Variants in EXOC4 observed in about 807,000 individuals in gnomAD.
EXOC4 encodes SEC8-like 1.
In EXOC4, 71 loss-of-function variants were observed where a neutral mutation model predicts 107.2. That is an observed-to-expected ratio of 0.66 (90% CI 0.55 to 0.81). EXOC4 has a LOEUF of 0.81. Among genes scored for constraint, EXOC4 ranks in the 30% least tolerant of loss-of-function variants. The pLI, the probability that EXOC4 is intolerant of heterozygous loss-of-function variation, is 0.00. For synonymous variants in EXOC4, 456 were observed against 441.2 expected (o/e 1.03, Z -0.42); for missense variants, 1,108 against 1,189.6 (o/e 0.93, Z 1.01).
At chr7:133,407,498 G>A (rs924835282) in intron 7 of EXOC4, among the ~76,000 whole-genome samples, 4 of 152,048 alleles carry the variant, frequency 2.6e-5, no homozygotes, top group Admixed American at 6.5e-5. Context: ...TCAAGTCTAC[G>A]ATTGGGTATA....
At chr7:133,643,007 T>C (rs558251962) in intron 10 of EXOC4, among the ~76,000 whole-genome samples, 87 of 152,338 alleles carry the variant, frequency 5.7e-4, no homozygotes, top group African/African-American at 2.0e-3. Flanking sequence ...CCTTACATAA[T>C]GTAAGTGGAT....
chr7:133,556,228 C>T (rs10268897), intron 9 of EXOC4, among the ~76,000 whole-genome samples: 151,730 of 152,302 alleles, frequency 1, 75,586 homozygotes, highest in Middle Eastern at 1. Context: ...GGCCAGCAGT[C>T]GCCACTGCAG....
chr7:133,791,018 T>C (rs1265457320), intron 10 of EXOC4, among the ~76,000 whole-genome samples: 1 of 152,218 alleles, frequency 6.6e-6, no homozygotes, highest in African/African-American at 2.4e-5. Context: ...AAAGAAGACA[T>C]TTATGTAGAT....
chr7:133,397,450 C>A (rs1796996959), intron 7 of EXOC4, among the ~76,000 whole-genome samples: 1 of 151,948 alleles, frequency 6.6e-6, no homozygotes, highest in African/African-American at 2.4e-5. Context: ...GTTTTCTTAC[C>A]TGTCACCTAA....
At chr7:133,508,307 A>G (rs1277321180) in intron 9 of EXOC4, among the ~76,000 whole-genome samples, 1 of 152,144 alleles carries the variant, frequency 6.6e-6, no homozygotes, top group Non-Finnish European at 1.5e-5. Flanking sequence ...GGACCCCATT[A>G]CTTGAATTTC....
chr7:133,923,128 CTTTT>C (rs35715979), intron 13 of EXOC4, among the ~76,000 whole-genome samples: 2 of 126,534 alleles, frequency 1.6e-5, no homozygotes, highest in Admixed American at 8.1e-5. Context: ...AGAGTTTACA[CTTTT>C]TTTTTTTTTT....
At chr7:133,353,405 C>T (rs1460986224) in intron 5 of EXOC4, among the ~76,000 whole-genome samples, 1 of 152,098 alleles carries the variant, frequency 6.6e-6, no homozygotes, top group South Asian at 2.1e-4. Context: ...TTGTGTGATA[C>T]AGAATTCTTG....
Position 133,919,120 on chromosome 7 carries a change from C to T in EXOC4, c.2027+1382C>T, listed in dbSNP as rs116896550. ...CATGTGTAATTTAACCTAAATTCTT[C>T]CTGTTTATGTTTTTCTTCCTTATTA... On this transcript the variant is annotated intron_variant, in intron 13 of 17. Coordinates refer to ENST00000253861, the MANE Select transcript of EXOC4 (RefSeq NM_021807.4). Among the ~76,000 whole-genome samples, 1,222 of 152,246 alleles carry T rather than the reference C, an allele frequency of 8.0e-3. 6 individuals are homozygous for T. Among genetic ancestry groups the T allele is most frequent in the Non-Finnish European group, 0.012 (827 of 67,998 alleles).
At chr7:133,588,271 A>G (rs570377506) in intron 9 of EXOC4, among the ~76,000 whole-genome samples, 5 of 152,230 alleles carry the variant, frequency 3.3e-5, no homozygotes, top group Non-Finnish European at 5.9e-5. Flanking sequence ...CAAAAAAGGA[A>G]TTAAATACCA....
chr7:133,982,803 T>A (rs1267723112), intron 14 of EXOC4, among the ~76,000 whole-genome samples: 3 of 152,154 alleles, frequency 2.0e-5, no homozygotes, highest in Admixed American at 1.3e-4. Flanking sequence ...AAATATGAAC[T>A]CAGGTCAGTC....
chr7:133,617,730 C>T (rs1431344875), intron 9 of EXOC4, among the ~76,000 whole-genome samples: 1 of 152,092 alleles, frequency 6.6e-6, no homozygotes, highest in African/African-American at 2.4e-5. Context: ...GGAAGTTGGT[C>T]ACCTTGACAC....
chr7:134,060,092 CTGTT>C (rs1796021757), intron 17 of EXOC4, among the ~76,000 whole-genome samples: 5 of 152,142 alleles, frequency 3.3e-5, no homozygotes, highest in African/African-American at 1.2e-4. Flanking sequence ...AGAAAATGAT[CTGTT>C]TGCACCAGAA....
intron 9 of EXOC4, chr7:133,576,532 A>G (rs1801132679): frequency 6.2e-6 from 8 of 1,289,488 alleles, no homozygotes; most frequent in Non-Finnish European, 8.1e-6. Flanking sequence ...ATTTAGTAAC[A>G]GCAAGCAAAA....
intron 17 of EXOC4, among the ~76,000 whole-genome samples, chr7:134,053,376 C>A (rs1372256218): frequency 1.3e-5 from 2 of 152,024 alleles, no homozygotes; most frequent in African/African-American, 4.8e-5. Flanking sequence ...ATCATTTAAG[C>A]CTTGGAACAA....
At chr7:133,571,669 T>C (rs2150959581) in intron 9 of EXOC4, among the ~76,000 whole-genome samples, 1 of 144,038 alleles carries the variant, frequency 6.9e-6, no homozygotes, top group South Asian at 2.3e-4. Flanking sequence ...AGTGAGACTT[T>C]GCCTCAAAGC....
At chr7:133,671,775 G>A (rs113097400) in intron 10 of EXOC4, among the ~76,000 whole-genome samples, 1 of 152,128 alleles carries the variant, frequency 6.6e-6, no homozygotes, top group Admixed American at 6.5e-5. Flanking sequence ...AAAAAGAGGA[G>A]TCAAGCATAT....
intron 5 of EXOC4, among the ~76,000 whole-genome samples, chr7:133,339,385 G>C (rs1320284797): frequency 6.6e-6 from 1 of 152,276 alleles, no homozygotes; most frequent in African/African-American, 2.4e-5. Flanking sequence ...TTTTATATCA[G>C]TACCATGCTG....
intron 9 of EXOC4, among the ~76,000 whole-genome samples, chr7:133,566,080 G>C (rs894884734): frequency 4.6e-5 from 7 of 152,160 alleles, no homozygotes; most frequent in Non-Finnish European, 7.4e-5. Flanking sequence ...ATTTATAAAG[G>C]TATGTAACTA....
At chr7:133,911,200 G>A (rs998392850) in intron 12 of EXOC4, among the ~76,000 whole-genome samples, 1 of 152,172 alleles carries the variant, frequency 6.6e-6, no homozygotes, top group Non-Finnish European at 1.5e-5. Flanking sequence ...GGTTCTGGTA[G>A]GGATGATTAA....
Sources: gnomAD v4.1 joint callset for allele counts (sites outside exome capture counted in the v4.1 genomes callset) on GRCh38, gnomAD v4.1.1 for gene constraint, MANE v1.5 for transcripts, NCBI Gene and HGNC (gene_info 2026-07-23, HGNC 2026-07-21) for gene names.